Variants in CPNE8 observed in about 807,000 individuals in gnomAD.
CPNE8 encodes copine 8.
A neutral mutation model predicts 81.5 loss-of-function variants in CPNE8; 45 were observed. The observed-to-expected ratio is 0.55, with a 90% CI of 0.44 to 0.71. CPNE8 has a LOEUF of 0.71. CPNE8 is among the 30% of genes least tolerant of loss of function. The pLI, the probability that CPNE8 is intolerant of heterozygous loss-of-function variation, is 0.00. For synonymous variants in CPNE8, 252 were observed against 226.3 expected, an observed-to-expected ratio of 1.11 and a Z score of -1.02; for missense variants, 594 against 672.1, an observed-to-expected ratio of 0.88 and a Z score of 1.28.
intron 10 of CPNE8, among the ~76,000 whole-genome samples, chr12:38,741,209 A>T (rs201175184): frequency 2.7e-4 from 41 of 149,730 alleles, no homozygotes; most frequent in Middle Eastern, 3.2e-3. Flanking sequence ...ACCAAAAAAG[A>T]GCCCGCATTC....
chr12:38,775,745 CT>C lies in CPNE8; in HGVS notation c.471+492del, dbSNP rs1233173834. Among the ~76,000 whole-genome samples the C allele has an allele frequency of 3.9e-5, 6 of 152,128 alleles. No homozygotes were observed. In the East Asian group the frequency reaches 7.7e-4, roughly 20 times the overall value. On this transcript the variant is annotated intron_variant, in intron 7 of 19. Transcript: ENST00000331366. ...GTCATACTGCTAGCTGTAGTGGCAGCTAATCCTTTCTTCAAATGTGGACTTC... is the reference window on the plus strand; with the variant it reads ...GTCATACTGCTAGCTGTAGTGGCAGCAATCCTTTCTTCAAATGTGGACTTC...
intron 8 of CPNE8, among the ~76,000 whole-genome samples, chr12:38,765,763 C>CATTTGA (rs1224101997): frequency 2.0e-5 from 3 of 152,070 alleles, no homozygotes; most frequent in Non-Finnish European, 4.4e-5. Flanking sequence ...TGAGATTCAC[C>CATTTGA]AACTTTTAAA....
intron 1 of CPNE8, among the ~76,000 whole-genome samples, chr12:38,876,614 A>G (rs1007212831): frequency 6.6e-6 from 1 of 152,212 alleles, no homozygotes; most frequent in Admixed American, 6.5e-5. Flanking sequence ...AAACAAGCCA[A>G]CAAAAAACCC....
intron 6 of CPNE8, among the ~76,000 whole-genome samples, chr12:38,819,432 T>G (rs1427753236): frequency 3.3e-5 from 5 of 152,196 alleles, no homozygotes; most frequent in Non-Finnish European, 7.4e-5. Flanking sequence ...AGCTCCCTTT[T>G]ATTTGCTTTG....
chr12:38,734,844 G>T (rs1210852643), intron 10 of CPNE8, among the ~76,000 whole-genome samples: 1 of 152,096 alleles, frequency 6.6e-6, no homozygotes, highest in Non-Finnish European at 1.5e-5. Context: ...AATTTGTAAA[G>T]AAGTAATAGG....
At chr12:38,694,230 A>G (rs1939744153) in intron 14 of CPNE8, among the ~76,000 whole-genome samples, 1 of 152,188 alleles carries the variant, frequency 6.6e-6, no homozygotes, top group Non-Finnish European at 1.5e-5. Context: ...GACCCAATAG[A>G]TTTAATGGAC....
chr12:38,743,774 C>T (rs1233619992), intron 10 of CPNE8, among the ~76,000 whole-genome samples: 3 of 151,626 alleles, frequency 2.0e-5, no homozygotes, highest in Non-Finnish European at 4.4e-5. Flanking sequence ...ATTTAGGGTA[C>T]ATTAGGAGAT....
At position 38,775,701 on chromosome 12, in the gene CPNE8, AGAGTATGCACT is replaced by A. The variant is rs1459289475; in HGVS notation, c.471+526_471+536del. Among the ~76,000 whole-genome samples, 6 of 152,192 alleles carry A rather than the reference AGAGTATGCACT, an allele frequency of 3.9e-5. No homozygotes were observed. In the East Asian group the frequency reaches 7.7e-4, roughly 20 times the overall value. On this transcript the variant is annotated intron_variant, in intron 7 of 19. Transcript: ENST00000331366. ...GAAAGTAGCAATGTTCTAAAAATAC[AGAGTATGCACT>A]CTCTGTAGTCATACTGCTAGCTGTA...
intron 10 of CPNE8, among the ~76,000 whole-genome samples, chr12:38,733,761 C>T (rs1282838546): frequency 6.6e-6 from 1 of 151,892 alleles, no homozygotes; most frequent in Non-Finnish European, 1.5e-5. Context: ...ACTACTGTAG[C>T]TAGTAATTTG....
intron 1 of CPNE8, among the ~76,000 whole-genome samples, chr12:38,884,107 T>C (rs906117586): frequency 6.6e-6 from 1 of 152,116 alleles, no homozygotes; most frequent in Non-Finnish European, 1.5e-5. Flanking sequence ...ATTCACAGAG[T>C]TGTGCAACTA....
At chr12:38,869,760 A>G (rs1483621216) in intron 3 of CPNE8, among the ~76,000 whole-genome samples, 1 of 152,014 alleles carries the variant, frequency 6.6e-6, no homozygotes, top group African/African-American at 2.4e-5. Flanking sequence ...CACCTACTCT[A>G]TATAACTCTG....
chr12:38,906,600 A>G, upstream of CPNE8: 1 of 985,556 alleles, frequency 1.0e-6, no homozygotes, highest in Non-Finnish European at 1.2e-6. Context: ...GGATAAAAGC[A>G]GAGAGGAGTC....
chr12:38,726,110 T>G (rs1940690123), intron 11 of CPNE8, among the ~76,000 whole-genome samples: 1 of 152,062 alleles, frequency 6.6e-6, no homozygotes, highest in African/African-American at 2.4e-5. Context: ...TCCACAGGCC[T>G]GTACTAGGCT....
At chr12:38,753,823 C>T (rs1405402284) in intron 10 of CPNE8, among the ~76,000 whole-genome samples, 2 of 152,098 alleles carry the variant, frequency 1.3e-5, no homozygotes, top group African/African-American at 4.8e-5. Context: ...TCATCTCTTA[C>T]TGTGCCTAAG....
intron 1 of CPNE8, among the ~76,000 whole-genome samples, chr12:38,882,663 T>G (rs1944178384): frequency 6.6e-6 from 1 of 152,078 alleles, no homozygotes; most frequent in Non-Finnish European, 1.5e-5. Context: ...TGTAAACGCT[T>G]GAGCAAATGC....
chr12:38,693,824 G>A lies in CPNE8; in HGVS notation c.976C>T (p.Pro326Ser). The change falls in exon 15 of 20, where the codon CCC becomes TCC. Residue 326 changes from proline to serine, a missense_variant. Physicochemically the swap from Pro to Ser is moderately conservative, Grantham distance 74 (BLOSUM62 -1). Transcript: ENST00000331366. ...GGATTCATGTAGTGGAGGGAAGTGGGCTGAGCAGGGTTGCCTGATGACAGA... is the reference window on the plus strand; with the variant it reads ...GGATTCATGTAGTGGAGGGAAGTGGACTGAGCAGGGTTGCCTGATGACAGA... ...FTASNGNPAQ[P>S]TSLHYMNPYQ... The A allele has an allele frequency of 6.2e-7, 1 of 1,608,156 alleles. No homozygotes were observed. The highest frequency in any genetic ancestry group is 2.2e-5 in the East Asian group (1 of 44,538).
chr12:38,768,327 A>G (rs1424101917), intron 7 of CPNE8, among the ~76,000 whole-genome samples: 1 of 152,116 alleles, frequency 6.6e-6, no homozygotes, highest in African/African-American at 2.4e-5. Flanking sequence ...TACAATTTGC[A>G]TGTTAATTAT....
At chr12:38,752,237 G>A (rs968716482) in intron 10 of CPNE8, among the ~76,000 whole-genome samples, 1 of 152,254 alleles carries the variant, frequency 6.6e-6, no homozygotes, top group Non-Finnish European at 1.5e-5. Flanking sequence ...TGACAGCAAG[G>A]GCAGGGTTAA....
rs188497447 is a variant in CPNE8 at position 38,678,994 on chromosome 12, G to C, written c.1272-1440C>G. ...CACGTTTAACTTTTTTTGTTTTAAA[G>C]AAAAGAAGTCTAACAATTTCCCCCA... On this transcript the variant is annotated intron_variant, in intron 16 of 19. Transcript: ENST00000331366. 1.5e-3 allele frequency among the ~76,000 whole-genome samples: 222 copies of C among 151,778 alleles called. 1 individual carries two copies. The highest frequency in any genetic ancestry group is 5.1e-3 in the African/African-American group (211 of 41,496).
Sources: allele counts gnomAD v4.1 joint callset (sites outside exome capture counted in the v4.1 genomes callset), GRCh38; gene constraint gnomAD v4.1.1; transcripts MANE v1.5; gene names NCBI Gene and HGNC (gene_info 2026-07-23, HGNC 2026-07-21).